PDE1C: variants seen among roughly 807,000 people sequenced by gnomAD.
PDE1C encodes phosphodiesterase 1C.
Under a neutral mutation model 93.1 loss-of-function variants are expected in PDE1C, and 62 were observed. The ratio of observed to expected loss-of-function variants is 0.67; its 90% CI spans 0.54 to 0.82. The LOEUF is 0.82. PDE1C is among the 40% of genes least tolerant of loss of function. PDE1C has a pLI of 0.00. For synonymous variants in PDE1C, 325 were observed against 310.1 expected, an observed-to-expected ratio of 1.05 and a Z score of -0.50; for missense variants, 742 against 884.6, an observed-to-expected ratio of 0.84 and a Z score of 2.04.
At chr7:32,129,896 A>G (rs1799822505) in intron 3 of PDE1C, among the ~76,000 whole-genome samples, 1 of 152,122 alleles carries the variant, frequency 6.6e-6, no homozygotes, top group South Asian at 2.1e-4. Flanking sequence ...TTGTTCCAAT[A>G]TAATTAGTCC....
At chr7:32,361,645 A>AC (rs1471202600) in intron 1 of PDE1C, among the ~76,000 whole-genome samples, 1 of 151,972 alleles carries the variant, frequency 6.6e-6, no homozygotes, top group Non-Finnish European at 1.5e-5. Context: ...TTCAAGGTCC[A>AC]CCTCAGCTGC....
chr7:31,911,486 A>C (rs900924902), intron 2 of PDE1C, among the ~76,000 whole-genome samples: 10 of 152,108 alleles, frequency 6.6e-5, no homozygotes, highest in African/African-American at 2.4e-4. Flanking sequence ...ATTAGCCACC[A>C]AAACTGAGCA....
At chr7:31,815,296 G>T (rs1286934608) in intron 15 of PDE1C, among the ~76,000 whole-genome samples, 1 of 152,018 alleles carries the variant, frequency 6.6e-6, no homozygotes, top group South Asian at 2.1e-4. Flanking sequence ...TAAATCCCTA[G>T]TGCTAAGCAT....
rs368605775 is a variant in PDE1C at position 32,338,761 on chromosome 7, T to C, written c.310+89061A>G. Among the ~76,000 whole-genome samples the C allele has an allele frequency of 7.2e-5, 11 of 152,260 alleles. 1 individual carries two copies. Among genetic ancestry groups the C allele is most frequent in the Admixed American group, 3.3e-4 (5 of 15,300 alleles). ...GCTCACGCCTGTAATCCCAGCACTT[T>C]GGGAGGCCGAGGTGGGCGGATCACG... On this transcript the variant is annotated intron_variant, in intron 1 of 1. Coordinates refer to the PDE1C transcript ENST00000672256.
the PDE1C span, among the ~76,000 whole-genome samples, chr7:31,733,202 C>A: frequency 6.6e-6 from 1 of 152,186 alleles, no homozygotes; most frequent in Non-Finnish European, 1.5e-5. Flanking sequence ...CCTAATACCT[C>A]CTTTCCAATC....
At chr7:31,718,755 C>G in the PDE1C span, among the ~76,000 whole-genome samples, 1 of 152,194 alleles carries the variant, frequency 6.6e-6, no homozygotes, top group Non-Finnish European at 1.5e-5. Context: ...GGGCACAGAC[C>G]TGGCAGCTGG....
intron 3 of PDE1C, among the ~76,000 whole-genome samples, chr7:32,151,622 A>C (rs1801265343): frequency 6.6e-6 from 1 of 152,260 alleles, no homozygotes; most frequent in Admixed American, 6.5e-5. Context: ...ATACTAAGTA[A>C]AAGACACCAG....
chr7:32,377,157 C>G (rs113080284), intron 1 of PDE1C, among the ~76,000 whole-genome samples: 9 of 152,170 alleles, frequency 5.9e-5, no homozygotes, highest in African/African-American at 2.2e-4. Context: ...GACAACGACT[C>G]CAGGACAGTC....
rs1049177182 is a variant in PDE1C, at chr7:32,109,633, G to A, written c.308+60152C>T. ...ATGTCCCTGGGAGGCAAAACTGTCTGCAGCTGAGAATCACTGGTCTAAATG... is the reference window on the plus strand; with the variant it reads ...ATGTCCCTGGGAGGCAAAACTGTCTACAGCTGAGAATCACTGGTCTAAATG... On this transcript the variant is annotated intron_variant, in intron 3 of 18. Coordinates refer to the PDE1C transcript ENST00000396193. Among the ~76,000 whole-genome samples the A allele has an allele frequency of 1.1e-4, 17 of 152,274 alleles. 5 individuals are homozygous for A. Among genetic ancestry groups the A allele is most frequent in the Admixed American group, 6.5e-5 (1 of 15,292 alleles).
chr7:32,118,616 G>A (rs1371076656), intron 3 of PDE1C, among the ~76,000 whole-genome samples: 2 of 152,108 alleles, frequency 1.3e-5, no homozygotes, highest in Non-Finnish European at 1.5e-5. Context: ...CATGGTGCTG[G>A]CATCTGGTGG....
chr7:31,733,946 G>T, the PDE1C span, among the ~76,000 whole-genome samples: 11 of 152,206 alleles, frequency 7.2e-5, no homozygotes, highest in African/African-American at 2.4e-4. Flanking sequence ...GGAGGTTGCA[G>T]TGAGCCGAGA....
At chr7:32,106,247 G>A (rs1296022329) in intron 3 of PDE1C, among the ~76,000 whole-genome samples, 2 of 150,472 alleles carry the variant, frequency 1.3e-5, no homozygotes, top group African/African-American at 5.0e-5. Flanking sequence ...TCATGACCCT[G>A]GCCTCAAGCA....
intron 7 of PDE1C, among the ~76,000 whole-genome samples, chr7:31,855,178 A>G (rs574291504): frequency 1.9e-4 from 29 of 151,928 alleles, no homozygotes; most frequent in Non-Finnish European, 3.4e-4. Flanking sequence ...CAAGGCTGAC[A>G]TCAAGGTTGG....
At chr7:32,082,183 T>TC (rs1796710109) in intron 3 of PDE1C, among the ~76,000 whole-genome samples, 1 of 152,264 alleles carries the variant, frequency 6.6e-6, no homozygotes, top group Non-Finnish European at 1.5e-5. Context: ...TCCGACGGGC[T>TC]TAAAAAACGG....
intron 1 of PDE1C, among the ~76,000 whole-genome samples, chr7:32,390,087 A>G (rs973499043): frequency 1.3e-5 from 2 of 152,190 alleles, no homozygotes; most frequent in Admixed American, 6.5e-5. Flanking sequence ...TTCTATAAAT[A>G]TATTTTTCCC....
intron 3 of PDE1C, among the ~76,000 whole-genome samples, chr7:32,084,862 G>C (rs975624140): frequency 1.4e-5 from 2 of 147,022 alleles, no homozygotes; most frequent in Admixed American, 6.8e-5. Flanking sequence ...AGTGTGTAGA[G>C]GGAAATTTAT....
chr7:32,197,878 T>G (rs999999565), intron 2 of PDE1C, among the ~76,000 whole-genome samples: 6 of 152,196 alleles, frequency 3.9e-5, no homozygotes, highest in African/African-American at 1.4e-4. Context: ...TAGATTATGT[T>G]GATGATGGTG....
chr7:31,851,808 A>G (rs1160688295), intron 7 of PDE1C, among the ~76,000 whole-genome samples: 1 of 152,218 alleles, frequency 6.6e-6, no homozygotes, highest in Non-Finnish European at 1.5e-5. Flanking sequence ...ACAGTCACTA[A>G]AAGAACTGCT....
intron 1 of PDE1C, among the ~76,000 whole-genome samples, chr7:32,397,055 A>C (rs1784850705): frequency 6.6e-6 from 1 of 152,212 alleles, no homozygotes; most frequent in South Asian, 2.1e-4. Flanking sequence ...ATTTCTCTAC[A>C]AACTCCAGGT....
Sources: gnomAD v4.1 joint callset for allele counts (sites outside exome capture counted in the v4.1 genomes callset) on GRCh38, gnomAD v4.1.1 for gene constraint, MANE v1.5 for transcripts, NCBI Gene and HGNC (gene_info 2026-07-23, HGNC 2026-07-21) for gene names.